FCSK: variants seen among roughly 807,000 people sequenced by gnomAD.
The protein encoded by FCSK is fucose kinase.
A neutral mutation model predicts 122.5 loss-of-function variants in FCSK; 123 were observed. The observed-to-expected ratio is 1.00, with a 90% confidence interval of 0.87 to 1.17. FCSK has a LOEUF of 1.17. FCSK is among the 50% of genes most tolerant of loss of function. The probability of loss-of-function intolerance (pLI) is 0.00; values close to 1 mark genes in which losing one functional copy is unlikely to be tolerated. For synonymous variants in FCSK, 620 were observed against 625.5 expected, an observed-to-expected ratio of 0.99 and a Z score of 0.13; for missense variants, 1,366 against 1,450.4, an observed-to-expected ratio of 0.94 and a Z score of 0.95.
intron 3 of FCSK, among the ~76,000 whole-genome samples, chr16:70,464,137 C>T (rs1346766191): frequency 1.3e-5 from 2 of 152,220 alleles, no homozygotes; most frequent in African/African-American, 4.8e-5. Flanking sequence ...GTCAGCATCC[C>T]TGCTGGTCCC....
Position 70,479,566 on chromosome 16 carries a change from C to T in FCSK, c.3154-13C>T, listed in dbSNP as rs751070496. Reference sequence around the variant, plus strand: ...TTGTCCAGAGCCTTCTAAATACTTCCTGTCTTGTCCAGGGCCTTGGGAATT... The same window carrying T: ...TTGTCCAGAGCCTTCTAAATACTTCTTGTCTTGTCCAGGGCCTTGGGAATT... On this transcript the variant is annotated splice_polypyrimidine_tract_variant and intron_variant, in intron 23 of 23. Transcript: ENST00000288078. 9 of 1,610,494 alleles carry T rather than the reference C, an allele frequency of 5.6e-6. No homozygotes were observed. Among genetic ancestry groups the T allele is most frequent in the Middle Eastern group, 1.6e-4 (1 of 6,074 alleles).
chr16:70,458,252 C>G (rs1301253373), intron 1 of FCSK, among the ~76,000 whole-genome samples: 1 of 151,264 alleles, frequency 6.6e-6, no homozygotes, highest in Non-Finnish European at 1.5e-5. Context: ...CACCGCTTCC[C>G]AGGTTCAAGC....
Position 70,475,707 on chromosome 16 carries a change from G to A in FCSK, c.2581G>A (p.Val861Met), listed in dbSNP as rs17878599. ...TGCCTTGCAGCGAGCCGCAGGCCGG[G>A]TGGTGGGCACGGAAGCCCTGATCCA... The part of the protein sequence containing the change: ...LAALQRAAGR[V>M]VGTEALIHAV... Residue 861 changes from valine (V) to methionine (M), a missense_variant, in exon 20 of 24, where the codon GTG becomes ATG. Transcript: ENST00000288078. The A allele has an allele frequency of 1.3e-3, 2,017 of 1,603,168 alleles. 31 individuals carry two copies. In the African/African-American group the frequency reaches 0.024, roughly 19 times the overall value.
intron 1 of FCSK, among the ~76,000 whole-genome samples, chr16:70,461,495 C>T (rs536228943): frequency 6.6e-6 from 1 of 152,202 alleles, no homozygotes; most frequent in South Asian, 2.1e-4. Flanking sequence ...AATCTTTGGC[C>T]TTGCTTTCCC....
Position 70,479,974 on chromosome 16 carries a change from C to A in FCSK, c.*294C>A. 1 of 278,148 alleles carries A rather than the reference C, an allele frequency of 3.6e-6. No homozygotes were observed. Among genetic ancestry groups the A allele is most frequent in the Non-Finnish European group, 6.8e-6 (1 of 146,150 alleles). The allele number at this position is 278,148 out of a possible 1,614,324, so 17.2% of individuals were successfully genotyped here. On this transcript the variant is annotated 3_prime_UTR_variant, in exon 24 of 24. Transcript: ENST00000288078. ...GCTGGCCTTCTCATTCCACAAGGGC[C>A]CTGGAAAGGGTTGACAGCCAGCCTT...
At chr16:70,461,622 G>A (rs1345356417) in intron 1 of FCSK, among the ~76,000 whole-genome samples, 1 of 152,204 alleles carries the variant, frequency 6.6e-6, no homozygotes, top group Non-Finnish European at 1.5e-5. Flanking sequence ...CTGCAGCTCT[G>A]AGTGCATATG....
Position 70,475,710 on chromosome 16 carries a change from G to T in FCSK, c.2584G>T (p.Val862Leu), listed in dbSNP as rs750647637. Residue 862 changes from valine to leucine, a missense_variant, in exon 20 of 24, where the codon GTG becomes TTG. Coordinates refer to ENST00000288078, the MANE Select transcript of FCSK (RefSeq NM_145059.3). Reference protein sequence around the residue: ...AALQRAAGRVVGTEALIHAVL... With the variant: ...AALQRAAGRVLGTEALIHAVL... ...CTTGCAGCGAGCCGCAGGCCGGGTGGTGGGCACGGAAGCCCTGATCCACGC... is the reference window on the plus strand; with the variant it reads ...CTTGCAGCGAGCCGCAGGCCGGGTGTTGGGCACGGAAGCCCTGATCCACGC... 10 of 1,602,966 alleles carry T rather than the reference G, an allele frequency of 6.2e-6. No homozygotes were observed. The Admixed American group carries it at 1.7e-4, about 27-fold the overall frequency.
chr16:70,471,943 G>C (rs975089597), intron 13 of FCSK, among the ~76,000 whole-genome samples: 1 of 151,728 alleles, frequency 6.6e-6, no homozygotes, highest in African/African-American at 2.4e-5. Flanking sequence ...GTAGCTGGGA[G>C]TACAGGCGCC....
In FCSK at chr16:70,465,987, A is replaced by G. The variant is rs1035233824; in HGVS notation, c.286-145A>G. On this transcript the variant is annotated intron_variant, in intron 4 of 23. Coordinates refer to ENST00000288078, the MANE Select transcript of FCSK (RefSeq NM_145059.3). Reference sequence around the variant, plus strand: ...AGTGCAATGCAATGCAATGCAATGCATAATATAAAAATATATTGTAGGAGA... The same window carrying G: ...AGTGCAATGCAATGCAATGCAATGCGTAATATAAAAATATATTGTAGGAGA... 6.9e-6 allele frequency: 6 copies of G among 866,878 alleles called. No individual in the cohort carries two copies. The African/African-American group carries it at 8.5e-5, about 12-fold the overall frequency. 53.7% of individuals were successfully genotyped at this position (866,878 alleles called of 1,614,324 possible).
chr16:70,474,344 G>T lies in FCSK; in HGVS notation c.1988+5G>T. On this transcript the variant is annotated splice_donor_5th_base_variant and intron_variant, in intron 16 of 23. Transcript: ENST00000288078. ...GAGGGACAAGTGGCTAAGCAGGTGT[G>T]TACTAATGGAGGTCAGATCCCTTGG... 1 of 1,612,586 alleles carries T rather than the reference G, an allele frequency of 6.2e-7. No homozygotes were observed. The highest frequency in any genetic ancestry group is 8.5e-7 in the Non-Finnish European group (1 of 1,179,622).
intron 3 of FCSK, 54 bp downstream of exon 3, chr16:70,463,828 C>T: frequency 6.5e-7 from 1 of 1,530,512 alleles, no homozygotes; most frequent in African/African-American, 1.4e-5. Context: ...GGAACCAGGT[C>T]ATTTCTGAGA....
intron 1 of FCSK, among the ~76,000 whole-genome samples, chr16:70,459,382 C>T (rs17886996): frequency 0.034 from 5,157 of 151,814 alleles, 303 homozygotes; most frequent in African/African-American, 0.12. Flanking sequence ...ACTAAAAATA[C>T]AAAAATTAGT....
At chr16:70,464,314 C>T (rs1254422934) in intron 3 of FCSK, among the ~76,000 whole-genome samples, 2 of 152,146 alleles carry the variant, frequency 1.3e-5, no homozygotes, top group South Asian at 2.1e-4. Context: ...CCTAAGTCAC[C>T]CAGCCAGCCC....
intron 3 of FCSK, among the ~76,000 whole-genome samples, chr16:70,463,986 T>G (rs17878609): frequency 0.051 from 7,493 of 147,042 alleles, 1,079 homozygotes; most frequent in African/African-American, 0.19. Context: ...TAGAGAGTTG[T>G]AGCCAATATC....
intron 22 of FCSK, 122 bp from the exon 23 acceptor site, chr16:70,479,058 C>T (rs1024786350): frequency 2.5e-6 from 2 of 791,650 alleles, no homozygotes; most frequent in Non-Finnish European, 4.1e-6. Flanking sequence ...CCAGCCGGCA[C>T]TGGAATCCGG....
chr16:70,465,113 C>T lies in FCSK; in HGVS notation c.235-13C>T. On this transcript the variant is annotated splice_polypyrimidine_tract_variant and intron_variant, in intron 3 of 23. Coordinates refer to ENST00000288078, the MANE Select transcript of FCSK (RefSeq NM_145059.3). ...CTGAGGCCTCTGTTCACAGGGCTTT[C>T]CCACTCCTGCAGGTGGTCACATCCG... 6.2e-7 allele frequency: 1 copy of T among 1,613,626 alleles called. No homozygotes were observed. Among genetic ancestry groups the T allele is most frequent in the Non-Finnish European group, 8.5e-7 (1 of 1,179,834 alleles).
chr16:70,469,098 T>G, intron 9 of FCSK, 54 bp from the exon 10 acceptor site: 2 of 1,610,956 alleles, frequency 1.2e-6, no homozygotes, highest in Middle Eastern at 3.3e-4. Context: ...GCCTCAGAAC[T>G]TGGGGGCTGA....
Position 70,474,600 on chromosome 16 carries a change from G to A in FCSK, c.2061G>A (p.Met687Ile), listed in dbSNP as rs747531326. The change falls in exon 17 of 24, where the codon ATG (methionine) becomes ATA (isoleucine). Residue 687 changes from methionine to isoleucine, a missense_variant. By Grantham distance (10) the Met-to-Ile change is conservative. Coordinates refer to ENST00000288078, the MANE Select transcript of FCSK (RefSeq NM_145059.3). Reference sequence around the variant, plus strand: ...AGATCCTGATCCGCCAGGCTGTGATGTCAGCCCAGCACTTTGTCTCCACAG... The same window carrying A: ...AGATCCTGATCCGCCAGGCTGTGATATCAGCCCAGCACTTTGTCTCCACAG... The part of the protein sequence containing the change: ...AGQILIRQAV[M>I]SAQHFVSTEQ... The A allele has an allele frequency of 1.3e-6, 2 of 1,575,854 alleles. No homozygotes were observed. The highest frequency in any genetic ancestry group is 1.2e-5 in the South Asian group (1 of 86,078).
chr16:70,464,664 C>G (rs2048362193), intron 3 of FCSK, among the ~76,000 whole-genome samples: 1 of 141,950 alleles, frequency 7.0e-6, no homozygotes, highest in Non-Finnish European at 1.5e-5. Context: ...CATGCCATTG[C>G]ACTCCATTCT....
Sources: gnomAD v4.1 joint callset for allele counts (sites outside exome capture counted in the v4.1 genomes callset) on GRCh38, gnomAD v4.1.1 for gene constraint, MANE v1.5 for transcripts, NCBI Gene and HGNC (gene_info 2026-07-23, HGNC 2026-07-21) for gene names.